The following NEFL variants were observed in gnomAD, a reference collection of about 807,000 sequenced individuals.
NEFL encodes the protein neurofilament light chain, also known as neurofilament light polypeptide.
In NEFL, 36 loss-of-function variants were observed where a neutral mutation model predicts 51.6. The ratio of observed to expected loss-of-function variants is 0.70; its 90% CI spans 0.53 to 0.92. NEFL has a LOEUF of 0.92. Among genes scored for constraint, NEFL ranks in the 40% least tolerant of loss-of-function variants. The pLI is 0.00. For missense variants in NEFL, 671 were observed against 722.0 expected (o/e 0.93, Z 0.81); for synonymous variants, 332 against 302.5 (o/e 1.10, Z -1.01).
In NEFL at chr8:24,955,430, GCTC is replaced by G; in HGVS notation, c.1044+39_1044+41del. On this transcript the variant is annotated intron_variant, in intron 1 of 3. Coordinates refer to ENST00000610854, the MANE Select transcript of NEFL (RefSeq NM_006158.5). This position sits in a 1 kb window ranked among gnomAD's most constrained non-coding sequence, Gnocchi z 4.0. ...TCTGGGCGCACCAACTCCCCCCCTT[GCTC>G]GAGTCCCCCGCCCCCCTGTGTTTCT... is the stretch of plus-strand genomic sequence containing the variant. 1 of 1,409,560 alleles carries G rather than the reference GCTC, an allele frequency of 7.1e-7. No homozygotes were observed. The highest frequency in any genetic ancestry group is 9.4e-7 in the Non-Finnish European group (1 of 1,060,546). The allele number at this position is 1,409,560 out of a possible 1,614,324, so 87.3% of individuals were successfully genotyped here. A position where few individuals can be genotyped will look rare whatever the true frequency, so the allele number is the denominator to read the frequency against.
chr8:24,952,609 C>T lies in NEFL; in HGVS notation c.*201G>A. 1.2e-6 allele frequency: 1 copy of T among 800,370 alleles called. No individual in the cohort carries two copies. The highest frequency in any genetic ancestry group is 1.9e-6 in the Non-Finnish European group (1 of 526,562). 49.6% of individuals were successfully genotyped at this position (800,370 alleles called of 1,614,324 possible). A position where few individuals can be genotyped will look rare whatever the true frequency, so the allele number is the denominator to read the frequency against. Reference sequence around the variant, plus strand: ...AGGCTGGCAGCAAGCCAGAAAGCCACTCTGCAAGCAAACAGATACTCTGCA... The same window carrying T: ...AGGCTGGCAGCAAGCCAGAAAGCCATTCTGCAAGCAAACAGATACTCTGCA... On this transcript the variant is annotated 3_prime_UTR_variant, in exon 4 of 4. Coordinates refer to ENST00000610854, the MANE Select transcript of NEFL (RefSeq NM_006158.5).
chr8:24,953,506 C>T lies in NEFL; in HGVS notation c.1459G>A (p.Glu487Lys), dbSNP rs558065942. Residue 487 changes from glutamate (E) to lysine (K), a missense_variant, in exon 3 of 4, where the codon GAG becomes AAG. Physicochemically the swap from Glu to Lys is moderately conservative, Grantham distance 56. Transcript: ENST00000610854. ...TCCTCTTCAGCTGCCTCCTCTTCCTCGGCCTCTTCCTTGTCCTTCTCCTCC... is the reference window on the plus strand; with the variant it reads ...TCCTCTTCAGCTGCCTCCTCTTCCTTGGCCTCTTCCTTGTCCTTCTCCTCC... The part of the protein sequence containing the change: ...EEEEKDKEEA[E>K]EEEAAEEEEA... The T allele has an allele frequency of 6.2e-6, 10 of 1,600,350 alleles. No homozygotes were observed. The highest frequency in any genetic ancestry group is 2.2e-5 in the East Asian group (1 of 44,516).
rs1802982639 is a variant in NEFL, at chr8:24,952,461, T to C, written c.*349A>G. 1 of 206,994 alleles carries C rather than the reference T, an allele frequency of 4.8e-6. No individual in the cohort carries two copies. The highest frequency in any genetic ancestry group is 1.5e-4 in the South Asian group (1 of 6,458). 12.8% of individuals were successfully genotyped at this position (206,994 alleles called of 1,614,324 possible). A position where few individuals can be genotyped will look rare whatever the true frequency, so the allele number is the denominator to read the frequency against. ...TAACCACCGAAGGTTCAAAGGACTATTTTTCCATGAAGTTTAACATTAACA... is the reference window on the plus strand; with the variant it reads ...TAACCACCGAAGGTTCAAAGGACTACTTTTCCATGAAGTTTAACATTAACA... On this transcript the variant is annotated 3_prime_UTR_variant, in exon 4 of 4. Transcript: ENST00000610854.
At position 24,954,250 on chromosome 8, in the gene NEFL, C is replaced by G; in HGVS notation, c.1100G>C (p.Arg367Pro). The change falls in exon 2 of 4, where the codon CGA becomes CCA. Residue 367 changes from arginine to proline, a missense_variant. By Grantham distance (103) the Arg-to-Pro change is moderately radical. Coordinates refer to ENST00000610854, the MANE Select transcript of NEFL (RefSeq NM_006158.5). ...ELRTTKSEMARYLKEYQDLLN... is the reference protein window; with the variant it reads ...ELRTTKSEMAPYLKEYQDLLN... ...GAGGTCTTGGTATTCTTTTAGGTATCGTGCCATTTCACTCTTTGTGGTCCT... is the reference window on the plus strand; with the variant it reads ...GAGGTCTTGGTATTCTTTTAGGTATGGTGCCATTTCACTCTTTGTGGTCCT... 1 of 1,613,760 alleles carries G rather than the reference C, an allele frequency of 6.2e-7. No individual in the cohort carries two copies. The highest frequency in any genetic ancestry group is 8.5e-7 in the Non-Finnish European group (1 of 1,179,832).
intron 1 of NEFL, among the ~76,000 whole-genome samples, chr8:24,954,712 G>GA (rs1463240119): frequency 1.1e-3 from 167 of 151,786 alleles, no homozygotes; most frequent in African/African-American, 3.6e-3. Flanking sequence ...ACAAAAAAAA[G>GA]AAAAAAATTA....
rs371688822 is a variant in NEFL, at chr8:24,953,449, A to C, written c.1489+27T>G. On this transcript the variant is annotated intron_variant, in intron 3 of 3. Transcript: ENST00000610854. Reference sequence around the variant, plus strand: ...ATCTCCACACCCAGTTTACACTTGAAGTTGCAGGGGTTTTTTCTTATCATA... The same window carrying C: ...ATCTCCACACCCAGTTTACACTTGACGTTGCAGGGGTTTTTTCTTATCATA... The C allele has an allele frequency of 1.9e-5, 29 of 1,548,068 alleles. No individual in the cohort carries two copies. In the African/African-American group the frequency reaches 3.3e-4, roughly 18 times the overall value.
In NEFL at chr8:24,953,720, G is replaced by A. The variant is rs1803003337; in HGVS notation, c.1245C>T (p.Ser415=). ...AGGCAGATCGGCCAAAGACCTGGGA[G>A]CTCTGGGAGTAGCCACTGGTTATGC... ...VGSITSGYSQ[S]SQVFGRSAYG... Residue 415 remains serine (S), a synonymous_variant, in exon 3 of 4, where the codon AGC becomes AGT. Transcript: ENST00000610854. 6.2e-7 allele frequency: 1 copy of A among 1,614,032 alleles called. No individual in the cohort carries two copies. Among genetic ancestry groups the A allele is most frequent in the South Asian group, 1.1e-5 (1 of 91,082 alleles).
In NEFL at chr8:24,953,513, T is replaced by C. The variant is rs1802998011; in HGVS notation, c.1452A>G (p.Glu484=). The C allele has an allele frequency of 6.2e-7, 1 of 1,606,902 alleles. No individual in the cohort carries two copies. Among genetic ancestry groups the C allele is most frequent in the African/African-American group, 1.3e-5 (1 of 74,962 alleles). Residue 484 remains glutamate, a synonymous_variant, in exon 3 of 4, where the codon GAA becomes GAG. Coordinates refer to ENST00000610854, the MANE Select transcript of NEFL (RefSeq NM_006158.5). ...GEAEEEEKDK[E]EAEEEEAAEE... is the part of the protein sequence containing the mutation. The stretch of plus-strand genomic sequence containing the variant: ...CAGCTGCCTCCTCTTCCTCGGCCTC[T>C]TCCTTGTCCTTCTCCTCCTCCTCGG...
chr8:24,955,759 C>G lies in NEFL; in HGVS notation c.757G>C (p.Asp253His). The G allele has an allele frequency of 1.2e-6, 2 of 1,613,430 alleles. No individual in the cohort carries two copies. The highest frequency in any genetic ancestry group is 8.5e-7 in the Non-Finnish European group (1 of 1,179,852). Residue 253 changes from aspartate to histidine, a missense_variant, in exon 1 of 4, where the codon GAC (aspartate) becomes CAC (histidine). Asp to His is a moderately conservative substitution (Grantham distance 81, BLOSUM62 -1). Coordinates refer to ENST00000610854, the MANE Select transcript of NEFL (RefSeq NM_006158.5). This position sits in a 1 kb window ranked among gnomAD's most constrained non-coding sequence, Gnocchi z 4.0. Reference protein sequence around the residue: ...ISVEMDVTKPDLSAALKDIRA... With the variant: ...ISVEMDVTKPHLSAALKDIRA... ...ATGTCCTTGAGCGCGGCGGAAAGGT[C>G]GGGCTTGGTCACGTCCATCTCCACG...
rs267607678 is a variant in NEFL, at chr8:24,956,561, GGA to G, written c.-48_-47del. ...CGGCCCGCGGCGGCGGTGGGAGCCC[GGA>G]GAGAGAGGACAGGGGAGAGAGGGAA... On this transcript the variant is annotated 5_prime_UTR_variant, in exon 1 of 4. Coordinates refer to ENST00000610854, the MANE Select transcript of NEFL (RefSeq NM_006158.5). The surrounding 1 kb of genome is among the most constrained non-coding windows in gnomAD (Gnocchi z 5.9). 249 of 1,522,660 alleles carry G rather than the reference GGA, an allele frequency of 1.6e-4. 1 individual carries two copies. The East Asian group carries it at 5.0e-3, about 31-fold the overall frequency. The allele number at this position is 1,522,660 out of a possible 1,614,324, so 94.3% of individuals were successfully genotyped here.
intron 2 of NEFL, 109 bp from the exon 3 acceptor site, chr8:24,953,904 C>T: frequency 7.1e-7 from 1 of 1,414,362 alleles, no homozygotes; most frequent in Non-Finnish European, 9.3e-7. Context: ...TTTATCAATA[C>T]TTAATGCCTG....
rs1380981120 is a variant in NEFL at position 24,951,420 on chromosome 8, GC to G, written c.*1389del. On this transcript the variant is annotated 3_prime_UTR_variant, in exon 4 of 4. Coordinates refer to ENST00000610854, the MANE Select transcript of NEFL (RefSeq NM_006158.5). Reference sequence around the variant, plus strand: ...ATTGTTTCAGAACAAAGGCAGAATAGCAGATAGTAATATCATCTATATTTAT... The same window carrying G: ...ATTGTTTCAGAACAAAGGCAGAATAGAGATAGTAATATCATCTATATTTAT... The G allele has an allele frequency of 2.0e-5, 3 of 152,162 alleles. No homozygotes were observed. The highest frequency in any genetic ancestry group is 4.4e-5 in the Non-Finnish European group (3 of 68,036). The allele number at this position is 152,162 out of a possible 1,614,324, so 9.4% of individuals were successfully genotyped here.
chr8:24,953,402 T>C, intron 3 of NEFL, 74 bp downstream of exon 3: 1 of 1,540,208 alleles, frequency 6.5e-7, no homozygotes, highest in Non-Finnish European at 8.7e-7. Flanking sequence ...AGGCTTCATT[T>C]GTCTTATCCA....
chr8:24,955,963 G>T lies in NEFL; in HGVS notation c.553C>A (p.Arg185Ser). 6.2e-7 allele frequency: 1 copy of T among 1,602,700 alleles called. No homozygotes were observed. The highest frequency in any genetic ancestry group is 8.5e-7 in the Non-Finnish European group (1 of 1,179,106). ...QARYEEEVLS[R>S]EDAEGRLMEA... ...ATCAGCCGGCCCTCGGCGTCCTCGC[G>T]GCTCAGCACCTCCTCTTCATAGCGC... The change falls in exon 1 of 4, where the codon CGC becomes AGC. Residue 185 changes from arginine (R) to serine (S), a missense_variant. Arg to Ser is a moderately radical substitution (Grantham distance 110, BLOSUM62 -1). Coordinates refer to ENST00000610854, the MANE Select transcript of NEFL (RefSeq NM_006158.5). The surrounding 1 kb of genome is among the most constrained non-coding windows in gnomAD (Gnocchi z 4.0).
Position 24,956,300 on chromosome 8 carries a change from G to C in NEFL, c.216C>G (p.Asp72Glu). 1 of 1,610,902 alleles carries C rather than the reference G, an allele frequency of 6.2e-7. No homozygotes were observed. Among genetic ancestry groups the C allele is most frequent in the Non-Finnish European group, 8.5e-7 (1 of 1,178,738 alleles). Residue 72 changes from aspartate to glutamate, a missense_variant, in exon 1 of 4, where the codon GAC becomes GAG. Transcript: ENST00000610854. The surrounding 1 kb of genome is among the most constrained non-coding windows in gnomAD (Gnocchi z 5.9). Reference protein sequence around the residue: ...GSLMPSLENLDLSQVAAISND... With the variant: ...GSLMPSLENLELSQVAAISND... ...TGCTGATGGCGGCTACCTGGCTCAGGTCGAGGTTCTCCAGACTGGGCATCA... is the reference window on the plus strand; with the variant it reads ...TGCTGATGGCGGCTACCTGGCTCAGCTCGAGGTTCTCCAGACTGGGCATCA...
In NEFL at chr8:24,952,533, G is replaced by T; in HGVS notation, c.*277C>A. 1 of 387,658 alleles carries T rather than the reference G, an allele frequency of 2.6e-6. No homozygotes were observed. Among genetic ancestry groups the T allele is most frequent in the Non-Finnish European group, 4.6e-6 (1 of 216,704 alleles). The allele number at this position is 387,658 out of a possible 1,614,324, so 24.0% of individuals were successfully genotyped here. On this transcript the variant is annotated 3_prime_UTR_variant, in exon 4 of 4. Coordinates refer to ENST00000610854, the MANE Select transcript of NEFL (RefSeq NM_006158.5). ...GTGGTGTTTTTTATTGTAAACATCTGAATGATTCACATTGCCGTAGATCCT... is the reference window on the plus strand; with the variant it reads ...GTGGTGTTTTTTATTGTAAACATCTTAATGATTCACATTGCCGTAGATCCT...
rs1463847045 is a variant in NEFL at position 24,953,703 on chromosome 8, C to G, written c.1262G>C (p.Arg421Pro). The change falls in exon 3 of 4, where the codon CGA becomes CCA. Residue 421 changes from arginine to proline, a missense_variant. Transcript: ENST00000610854. Reference sequence around the variant, plus strand: ...GGTCTGTAAACCGCCGTAGGCAGATCGGCCAAAGACCTGGGAGCTCTGGGA... The same window carrying G: ...GGTCTGTAAACCGCCGTAGGCAGATGGGCCAAAGACCTGGGAGCTCTGGGA... Reference protein sequence around the residue: ...GYSQSSQVFGRSAYGGLQTSS... With the variant: ...GYSQSSQVFGPSAYGGLQTSS... The G allele has an allele frequency of 1.9e-6, 3 of 1,613,864 alleles. No homozygotes were observed. Among genetic ancestry groups the G allele is most frequent in the East Asian group, 2.2e-5 (1 of 44,874 alleles).
chr8:24,954,347 T>C, intron 1 of NEFL, 42 bp from the exon 2 acceptor site: 2 of 1,603,726 alleles, frequency 1.2e-6, no homozygotes, highest in Non-Finnish European at 1.7e-6. Context: ...AATCCGAGCA[T>C]AAATCCCTTC....
In NEFL at chr8:24,955,895, G is replaced by A. The variant is rs763294014; in HGVS notation, c.621C>T (p.Ala207=). The A allele has an allele frequency of 9.3e-6, 15 of 1,606,090 alleles. No individual in the cohort carries two copies. In the East Asian group the frequency reaches 3.1e-4, roughly 33 times the overall value. Residue 207 remains alanine, a synonymous_variant, in exon 1 of 4, where the codon GCC becomes GCT. Coordinates refer to ENST00000610854, the MANE Select transcript of NEFL (RefSeq NM_006158.5). This position sits in a 1 kb window ranked among gnomAD's most constrained non-coding sequence, Gnocchi z 4.0. ...KGADEAALAR[A]ELEKRIDSLM... is the part of the protein sequence containing the mutation. ...AGCTGTCGATGCGCTTCTCGAGCTCGGCGCGAGCGAGCGCCGCCTCGTCGG... is the reference window on the plus strand; with the variant it reads ...AGCTGTCGATGCGCTTCTCGAGCTCAGCGCGAGCGAGCGCCGCCTCGTCGG...
Sources: gnomAD v4.1 joint callset for allele counts (sites outside exome capture counted in the v4.1 genomes callset) on GRCh38, gnomAD v4.1.1 for gene constraint, Gnocchi (gnomAD v3.1) non-coding constraint, MANE v1.5 for transcripts, NCBI Gene and HGNC (gene_info 2026-07-23, HGNC 2026-07-21) for gene names.